Variants in TRAPPC10 observed in about 807,000 individuals in gnomAD.
The protein encoded by TRAPPC10 is trafficking protein particle complex subunit 10, also known as TRAPP 130 kDa subunit.
A neutral mutation model predicts 125.5 loss-of-function variants in TRAPPC10; 23 were observed. The observed-to-expected ratio is 0.18, with a 90% confidence interval of 0.13 to 0.26. TRAPPC10 has a LOEUF of 0.26. Among genes scored for constraint, TRAPPC10 ranks in the 10% least tolerant of loss-of-function variants. The probability of loss-of-function intolerance (pLI) is 1.00; values close to 1 mark genes in which losing one functional copy is unlikely to be tolerated. For missense variants in TRAPPC10, 1,123 were observed against 1,308.4 expected (o/e 0.86, Z 2.19); for synonymous variants, 509 against 518.0 (o/e 0.98, Z 0.24).
intron 5 of TRAPPC10, among the ~76,000 whole-genome samples, chr21:44,058,871 G>C (rs2035815494): frequency 6.6e-6 from 1 of 152,144 alleles, no homozygotes; most frequent in Non-Finnish European, 1.5e-5. Flanking sequence ...AGTTATATCT[G>C]GTGCTGCCGA....
At chr21:44,019,681 T>G (rs2032276565) in intron 1 of TRAPPC10, among the ~76,000 whole-genome samples, 1 of 152,166 alleles carries the variant, frequency 6.6e-6, no homozygotes, top group Non-Finnish European at 1.5e-5. Flanking sequence ...CTCCTGAACT[T>G]AATTAAGTCT....
Position 44,087,643 on chromosome 21 carries a change from A to G in TRAPPC10, c.2540-56A>G. ...CTGGGCCATCACCTGCTGTAAGGAA[A>G]AGGACAAGTGAAACCGAGGGAACAG... On this transcript the variant is annotated intron_variant, in intron 16 of 22. Coordinates refer to ENST00000291574, the MANE Select transcript of TRAPPC10 (RefSeq NM_003274.5). The surrounding 1 kb of genome is among the most constrained non-coding windows in gnomAD (Gnocchi z 4.6). 1 of 1,523,190 alleles carries G rather than the reference A, an allele frequency of 6.6e-7. No individual in the cohort carries two copies. The highest frequency in any genetic ancestry group is 1.1e-5 in the South Asian group (1 of 89,288). 94.4% of individuals were successfully genotyped at this position (1,523,190 alleles called of 1,614,324 possible).
intron 6 of TRAPPC10, chr21:44,062,823 A>G (rs1253625355): frequency 1.0e-6 from 1 of 985,354 alleles, no homozygotes; most frequent in Non-Finnish European, 1.2e-6. Flanking sequence ...CCACGTAGGA[A>G]TGAACTGGTT....
At chr21:44,058,402 G>A (rs922380069) in intron 5 of TRAPPC10, among the ~76,000 whole-genome samples, 1 of 152,096 alleles carries the variant, frequency 6.6e-6, no homozygotes, top group African/African-American at 2.4e-5. Context: ...TGCTGGGAAG[G>A]GGTGGGGGTG....
At chr21:44,066,690 G>A (rs1296187025) in intron 7 of TRAPPC10, among the ~76,000 whole-genome samples, 1 of 152,126 alleles carries the variant, frequency 6.6e-6, no homozygotes, top group African/African-American at 2.4e-5. Flanking sequence ...ATGAACTGCA[G>A]TTATTTCCTT....
At chr21:44,036,139 G>A (rs527507930) in intron 2 of TRAPPC10, among the ~76,000 whole-genome samples, 4 of 152,268 alleles carry the variant, frequency 2.6e-5, no homozygotes, top group African/African-American at 9.6e-5. Context: ...GATACTGCAG[G>A]AGCCTAGTGA....
chr21:44,046,648 A>G (rs1601646993), intron 3 of TRAPPC10: 2 of 233,798 alleles, frequency 8.6e-6, no homozygotes, highest in African/African-American at 2.3e-5. Flanking sequence ...AGTAGCTGGG[A>G]TTATAGGCAG....
intron 2 of TRAPPC10, among the ~76,000 whole-genome samples, chr21:44,033,970 T>TA (rs1189848553): frequency 1.3e-5 from 2 of 151,912 alleles, no homozygotes; most frequent in East Asian, 1.9e-4. Flanking sequence ...ATAAATGGAC[T>TA]AAAAAAAATG....
intron 13 of TRAPPC10, among the ~76,000 whole-genome samples, chr21:44,081,921 C>T (rs181639681): frequency 9.9e-5 from 15 of 152,144 alleles, no homozygotes; most frequent in South Asian, 4.2e-4. Flanking sequence ...GTGGGTTTCT[C>T]GGGAGCATCA....
chr21:44,077,140 A>G (rs370241253), intron 10 of TRAPPC10, among the ~76,000 whole-genome samples: 4 of 152,320 alleles, frequency 2.6e-5, no homozygotes, highest in South Asian at 4.1e-4. Context: ...ACGTGCAGAA[A>G]GTCCTTGGAA....
intron 14 of TRAPPC10, 82 bp from the exon 15 acceptor site, chr21:44,084,040 A>AGACCGCTGCACC: frequency 6.5e-7 from 1 of 1,541,010 alleles, no homozygotes; most frequent in Non-Finnish European, 8.8e-7. Context: ...GAGTTCAGAG[A>AGACCGCTGCACC]GACCGCTGCA....
intron 7 of TRAPPC10, among the ~76,000 whole-genome samples, chr21:44,067,233 C>G (rs1403060961): frequency 6.6e-6 from 1 of 152,194 alleles, no homozygotes; most frequent in Non-Finnish European, 1.5e-5. Flanking sequence ...GTGTGGCCAA[C>G]CTGCAGGTTG....
intron 7 of TRAPPC10, among the ~76,000 whole-genome samples, chr21:44,067,020 T>C (rs1283978638): frequency 6.6e-6 from 1 of 152,120 alleles, no homozygotes; most frequent in Non-Finnish European, 1.5e-5. Context: ...CCCAAGTGAT[T>C]TTTTGGGGGG....
intron 2 of TRAPPC10, 24 bp from the exon 3 acceptor site, chr21:44,037,768 G>T (rs1470842878): frequency 6.2e-7 from 1 of 1,603,558 alleles, no homozygotes; most frequent in Non-Finnish European, 8.5e-7. Flanking sequence ...TGTTTTCTCA[G>T]TGACTTCAAA....
intron 1 of TRAPPC10, among the ~76,000 whole-genome samples, chr21:44,023,025 CTTTTTTTT>C (rs1028804319): frequency 2.5e-5 from 2 of 80,244 alleles, no homozygotes; most frequent in South Asian, 5.1e-4. Flanking sequence ...TTCCCTATGT[CTTTTTTTT>C]TTTTTTTTTT....
intron 2 of TRAPPC10, among the ~76,000 whole-genome samples, chr21:44,034,425 A>G (rs1186859704): frequency 2.1e-5 from 3 of 145,928 alleles, no homozygotes; most frequent in African/African-American, 7.8e-5. Flanking sequence ...GTGCTGCAGA[A>G]GGCAAGGGAG....
intron 4 of TRAPPC10, 25 bp downstream of exon 4, chr21:44,052,501 C>A (rs1267095795): frequency 1.3e-6 from 2 of 1,568,324 alleles, no homozygotes; most frequent in Non-Finnish European, 1.7e-6. Flanking sequence ...AATTTTACCT[C>A]ATTTGGTTAA....
At chr21:44,041,423 C>T (rs1021891571) in intron 3 of TRAPPC10, among the ~76,000 whole-genome samples, 3 of 152,040 alleles carry the variant, frequency 2.0e-5, no homozygotes, top group African/African-American at 7.2e-5. Flanking sequence ...CTTGCCCAGG[C>T]TGGAGTGCAG....
chr21:44,078,310 C>T (rs1601775813), intron 11 of TRAPPC10, among the ~76,000 whole-genome samples: 2 of 151,958 alleles, frequency 1.3e-5, no homozygotes, highest in African/African-American at 2.4e-5. Flanking sequence ...CAAAATTTAG[C>T]GTATTTCTGG....
Sources: gnomAD v4.1 joint callset for allele counts (sites outside exome capture counted in the v4.1 genomes callset) on GRCh38, gnomAD v4.1.1 for gene constraint, Gnocchi (gnomAD v3.1) non-coding constraint, MANE v1.5 for transcripts, NCBI Gene and HGNC (gene_info 2026-07-23, HGNC 2026-07-21) for gene names.